The following ZHX3 variants were observed in gnomAD, a reference collection of about 807,000 sequenced individuals.
ZHX3 encodes zinc fingers and homeoboxes protein 3.
Under a neutral mutation model 64.5 loss-of-function variants are expected in ZHX3, and 20 were observed. The ratio of observed to expected loss-of-function variants is 0.31; its 90% CI spans 0.22 to 0.45. The LOEUF (loss-of-function observed/expected upper bound fraction) is 0.45, where lower values mean the gene tolerates loss of function less well. ZHX3 is among the 20% of genes least tolerant of loss of function. The pLI is 1.00. For missense variants in ZHX3, 1,041 were observed against 1,195.8 expected, an observed-to-expected ratio of 0.87 and a Z score of 1.91; for synonymous variants, 423 against 461.6, an observed-to-expected ratio of 0.92 and a Z score of 1.07.
At chr20:41,267,284 CTA>C (rs2042910840) in intron 2 of ZHX3, among the ~76,000 whole-genome samples, 1 of 152,078 alleles carries the variant, frequency 6.6e-6, no homozygotes, top group East Asian at 1.9e-4. Flanking sequence ...GATCAAAGAG[CTA>C]TGTTTGACAA....
intron 1 of ZHX3, among the ~76,000 whole-genome samples, chr20:41,308,635 T>G (rs1396200854): frequency 1.3e-5 from 2 of 152,184 alleles, no homozygotes; most frequent in African/African-American, 2.4e-5. Flanking sequence ...GTGTAAGTGG[T>G]CAGCCAAGAA....
intron 2 of ZHX3, among the ~76,000 whole-genome samples, chr20:41,242,464 T>C (rs1302023599): frequency 2.6e-5 from 4 of 152,100 alleles, no homozygotes; most frequent in East Asian, 1.9e-4. Context: ...TCCTGAGATA[T>C]GGAGTAAAGT....
At chr20:41,315,228 G>T (rs1314629968) in intron 1 of ZHX3, among the ~76,000 whole-genome samples, 2 of 152,032 alleles carry the variant, frequency 1.3e-5, no homozygotes, top group Non-Finnish European at 2.9e-5. Flanking sequence ...TGTCTCCCAG[G>T]CTGGAGTGCG....
chr20:41,209,888 C>G (rs185613228), intron 2 of ZHX3, among the ~76,000 whole-genome samples: 21 of 152,196 alleles, frequency 1.4e-4, no homozygotes, highest in Admixed American at 3.3e-4. Flanking sequence ...CGAAAGAAAC[C>G]ACCATCAGAG....
At chr20:41,300,309 CA>C (rs1290114294) in intron 1 of ZHX3, among the ~76,000 whole-genome samples, 6 of 151,690 alleles carry the variant, frequency 4.0e-5, no homozygotes, top group Admixed American at 6.6e-5. Context: ...TTTTTCCTTT[CA>C]GAAAATTGAG....
In ZHX3 at chr20:41,200,552, AG is replaced by A. The variant is rs138197192; in HGVS notation, c.2860+1504del. Among the ~76,000 whole-genome samples the A allele has an allele frequency of 1.4e-3, 218 of 152,274 alleles. 1 individual carries two copies. Among genetic ancestry groups the A allele is most frequent in the Admixed American group, 0.01 (157 of 15,292 alleles). Reference sequence around the variant, plus strand: ...GCAGGCTGTGAGCTGTGGGCCCCAAAGGAGGGGAGTGTTTTGTTGTTGCCGT... The same window carrying A: ...GCAGGCTGTGAGCTGTGGGCCCCAAAGAGGGGAGTGTTTTGTTGTTGCCGT... On this transcript the variant is annotated intron_variant, in intron 3 of 3. Transcript: ENST00000683867. This position sits in a 1 kb window ranked among gnomAD's most constrained non-coding sequence, Gnocchi z 4.2.
chr20:41,199,710 T>C (rs2038061641), intron 3 of ZHX3, among the ~76,000 whole-genome samples: 1 of 151,772 alleles, frequency 6.6e-6, no homozygotes, highest in African/African-American at 2.4e-5. Context: ...CTCTTTTTTT[T>C]TTTTTTTTGC....
intron 1 of ZHX3, among the ~76,000 whole-genome samples, chr20:41,285,463 G>A (rs1017620327): frequency 2.6e-5 from 4 of 152,144 alleles, no homozygotes; most frequent in Non-Finnish European, 5.9e-5. Context: ...ACTTGTTTGA[G>A]CCTCTGTTTC....
At chr20:41,211,845 A>G (rs2039180498) in intron 2 of ZHX3, among the ~76,000 whole-genome samples, 1 of 152,252 alleles carries the variant, frequency 6.6e-6, no homozygotes, top group Admixed American at 6.5e-5. Flanking sequence ...TACCATCTCA[A>G]AGAGCATCAA....
At chr20:41,237,355 A>G (rs534884420) in intron 2 of ZHX3, among the ~76,000 whole-genome samples, 1 of 152,376 alleles carries the variant, frequency 6.6e-6, no homozygotes, top group East Asian at 1.9e-4. Flanking sequence ...AAAGACTTGG[A>G]ACCAACCCAA....
At chr20:41,221,888 TAG>T (rs1205162627) in intron 2 of ZHX3, among the ~76,000 whole-genome samples, 2 of 152,096 alleles carry the variant, frequency 1.3e-5, no homozygotes, top group South Asian at 2.1e-4. Flanking sequence ...GCGGCGGTAG[TAG>T]AGAGACAGTA....
chr20:41,241,920 G>A (rs2041406458), intron 2 of ZHX3, among the ~76,000 whole-genome samples: 2 of 152,080 alleles, frequency 1.3e-5, no homozygotes, highest in Admixed American at 1.3e-4. Context: ...GTAAGCTCAA[G>A]CACTTTAAAA....
intron 1 of ZHX3, among the ~76,000 whole-genome samples, chr20:41,289,164 TTTA>T: frequency 1.3e-5 from 2 of 151,854 alleles, no homozygotes; most frequent in African/African-American, 4.8e-5. Flanking sequence ...TTAATTTTTT[TTTA>T]TTTTTTTGTA....
intron 2 of ZHX3, among the ~76,000 whole-genome samples, chr20:41,237,702 A>G (rs1259490520): frequency 2.6e-5 from 4 of 152,270 alleles, no homozygotes; most frequent in South Asian, 4.1e-4. Flanking sequence ...AACATGGCAC[A>G]TGTATATGTA....
intron 2 of ZHX3, among the ~76,000 whole-genome samples, chr20:41,238,498 A>G (rs189901712): frequency 5.9e-5 from 9 of 152,216 alleles, no homozygotes; most frequent in Admixed American, 1.3e-4. Context: ...TCAAGTCAAA[A>G]ATTTCTGCAA....
chr20:41,289,755 C>CA (rs1404037387), intron 1 of ZHX3, among the ~76,000 whole-genome samples: 1 of 149,858 alleles, frequency 6.7e-6, no homozygotes, highest in Non-Finnish European at 1.5e-5. Context: ...CCCTAGATTA[C>CA]AAATGCCACC....
At chr20:41,278,058 G>A (rs1356978050) in intron 1 of ZHX3, among the ~76,000 whole-genome samples, 8 of 139,250 alleles carry the variant, frequency 5.7e-5, no homozygotes, top group African/African-American at 1.4e-4. Flanking sequence ...TTATAGCTAG[G>A]GGAGGCTGGG....
rs6029569 is a variant in ZHX3 at position 41,209,440 on chromosome 20, T to A, written c.-150-4374A>T. ...CATCATGCTACTTGACTTCAAACTATACTATACTACAAGGCTACAGTAACC... is the reference window on the plus strand; with the variant it reads ...CATCATGCTACTTGACTTCAAACTAAACTATACTACAAGGCTACAGTAACC... On this transcript the variant is annotated intron_variant, in intron 2 of 3. Transcript: ENST00000683867. Among the ~76,000 whole-genome samples the A allele has an allele frequency of 7.8e-3, 1,189 of 152,120 alleles. 13 individuals are homozygous for A. Among genetic ancestry groups the A allele is most frequent in the African/African-American group, 0.027 (1,126 of 41,488 alleles).
intron 2 of ZHX3, among the ~76,000 whole-genome samples, chr20:41,247,468 G>C (rs773018575): frequency 6.6e-6 from 1 of 152,098 alleles, no homozygotes; most frequent in Non-Finnish European, 1.5e-5. Context: ...GAAATCATCT[G>C]AATATAGACA....
Sources: gnomAD v4.1 joint callset for allele counts (sites outside exome capture counted in the v4.1 genomes callset) on GRCh38, gnomAD v4.1.1 for gene constraint, Gnocchi (gnomAD v3.1) non-coding constraint, MANE v1.5 for transcripts, NCBI Gene and HGNC (gene_info 2026-07-23, HGNC 2026-07-21) for gene names.